The following DLD variants were observed in gnomAD, a reference collection of about 807,000 sequenced individuals.
DLD encodes dihydrolipoamide dehydrogenase, also known as dihydrolipoyl dehydrogenase, mitochondrial.
In DLD, 36 loss-of-function variants were observed where a neutral mutation model predicts 62.2. That is an observed-to-expected ratio of 0.58 (90% CI 0.44 to 0.76). The LOEUF is 0.76. Ranked by LOEUF, DLD falls within the 30% of genes least tolerant of loss-of-function variation. The pLI is 0.00. For missense variants in DLD, 541 were observed against 608.6 expected (o/e 0.89, Z 1.17); for synonymous variants, 204 against 199.6 (o/e 1.02, Z -0.19).
At chr7:107,900,337 A>G (rs2031847265) in intron 2 of DLD, among the ~76,000 whole-genome samples, 1 of 152,134 alleles carries the variant, frequency 6.6e-6, no homozygotes, top group South Asian at 2.1e-4. Context: ...TGCAAATTAA[A>G]ATAGTCTTCT....
chr7:107,893,521 G>C (rs1584455855), intron 2 of DLD: 2 of 334,362 alleles, frequency 6.0e-6, no homozygotes, highest in African/African-American at 4.3e-5. Context: ...TATAAGTAAT[G>C]GATAAATATT....
chr7:107,904,431 A>C (rs1452047770), intron 5 of DLD, among the ~76,000 whole-genome samples: 2 of 152,176 alleles, frequency 1.3e-5, no homozygotes, highest in Non-Finnish European at 2.9e-5. Flanking sequence ...CTTACCTCTA[A>C]AGTTTAATTG....
chr7:107,902,478 A>G, intron 4 of DLD, 85 bp downstream of exon 4: 1 of 1,158,240 alleles, frequency 8.6e-7, no homozygotes, highest in Middle Eastern at 1.9e-4. Flanking sequence ...TTAGACAAAT[A>G]CACTTGTTAA....
chr7:107,894,998 T>C (rs1038208334), intron 2 of DLD, among the ~76,000 whole-genome samples: 2 of 152,226 alleles, frequency 1.3e-5, no homozygotes, highest in Non-Finnish European at 2.9e-5. Context: ...ATTTATTGAA[T>C]GAATGAACAC....
At chr7:107,891,502 C>T in intron 1 of DLD, 1 of 624,404 alleles carries the variant, frequency 1.6e-6, no homozygotes, top group Non-Finnish European at 2.8e-6. Context: ...TGGGCCCAGG[C>T]TGTGGCGAGT....
intron 4 of DLD, 46 bp downstream of exon 4, chr7:107,902,439 A>T: frequency 6.6e-7 from 1 of 1,517,442 alleles, no homozygotes; most frequent in Non-Finnish European, 9.2e-7. Context: ...TTGGCTAGCA[A>T]CCAACTAGAA....
intron 2 of DLD, among the ~76,000 whole-genome samples, chr7:107,897,182 C>T (rs1275105246): frequency 2.6e-5 from 4 of 152,096 alleles, no homozygotes; most frequent in African/African-American, 9.7e-5. Context: ...TTTTTTCTCA[C>T]TGTGTTTTAA....
chr7:107,894,891 C>G (rs1298402869), intron 2 of DLD, among the ~76,000 whole-genome samples: 1 of 152,248 alleles, frequency 6.6e-6, no homozygotes, highest in Admixed American at 6.5e-5. Context: ...TACATGCTTA[C>G]TGTCTTTTCC....
chr7:107,902,538 T>G, intron 4 of DLD, 145 bp downstream of exon 4: 2 of 771,164 alleles, frequency 2.6e-6, no homozygotes, highest in Non-Finnish European at 4.5e-6. Flanking sequence ...AAAAGAATGA[T>G]AAAAAACACA....
upstream of DLD, chr7:107,891,147 G>C: frequency 7.0e-7 from 1 of 1,429,442 alleles, no homozygotes; most frequent in Non-Finnish European, 9.8e-7. Flanking sequence ...GGGTGATGAC[G>C]TAGGCTGCGC....
chr7:107,893,107 C>A, intron 1 of DLD, 93 bp from the exon 2 acceptor site: 2 of 951,674 alleles, frequency 2.1e-6, no homozygotes, highest in Non-Finnish European at 3.3e-6. Flanking sequence ...TCGCTTGATA[C>A]GTTTGCCCAA....
At chr7:107,891,687 G>T (rs553780397) in intron 1 of DLD, 67 of 318,528 alleles carry the variant, frequency 2.1e-4, no homozygotes, top group African/African-American at 1.4e-3. Flanking sequence ...TCTGATCCCT[G>T]AGTGGCCTAA....
At chr7:107,892,597 G>A (rs565550264) in intron 1 of DLD, among the ~76,000 whole-genome samples, 1 of 152,046 alleles carries the variant, frequency 6.6e-6, no homozygotes, top group East Asian at 1.9e-4. Context: ...CCAGGCTAGA[G>A]TGCAATGGCA....
chr7:107,892,487 A>G (rs1456217538), intron 1 of DLD, among the ~76,000 whole-genome samples: 1 of 151,632 alleles, frequency 6.6e-6, no homozygotes, highest in East Asian at 1.9e-4. Context: ...TAAAAAGATT[A>G]TCATGTATAG....
rs117962020 is a variant in DLD, at chr7:107,909,244, A to G, written c.684+2876A>G. ...TTGTTCACTCATACTCATTATTCCA[A>G]TCTATATCTTAGTCTTGATTCTGTC... On this transcript the variant is annotated intron_variant, in intron 8 of 13. Coordinates refer to ENST00000205402, the MANE Select transcript of DLD (RefSeq NM_000108.5). Among the ~76,000 whole-genome samples the G allele has an allele frequency of 2.8e-3, 420 of 152,256 alleles. 2 individuals are homozygous for G. Among genetic ancestry groups the G allele is most frequent in the Non-Finnish European group, 3.8e-3 (260 of 68,016 alleles).
At chr7:107,897,974 G>C (rs935726343) in intron 2 of DLD, among the ~76,000 whole-genome samples, 3 of 152,100 alleles carry the variant, frequency 2.0e-5, no homozygotes, top group African/African-American at 7.2e-5. Context: ...TCCTTATAAT[G>C]ATCTAATATG....
rs971609766 is a variant in DLD, at chr7:107,920,212, T to G, written c.*953T>G. The G allele has an allele frequency of 6.6e-6, 1 of 152,312 alleles. No individual in the cohort carries two copies. The highest frequency in any genetic ancestry group is 1.5e-5 in the Non-Finnish European group (1 of 68,034). The allele number at this position is 152,312 out of a possible 1,614,324, so 9.4% of individuals were successfully genotyped here. On this transcript the variant is annotated 3_prime_UTR_variant, in exon 14 of 14. Transcript: ENST00000205402. Reference sequence around the variant, plus strand: ...TTAATCTGTGTTTTCCTTGGCTGGGTTAATGACTGTTTATTTAAAGAGTGT... The same window carrying G: ...TTAATCTGTGTTTTCCTTGGCTGGGGTAATGACTGTTTATTTAAAGAGTGT...
intron 2 of DLD, among the ~76,000 whole-genome samples, chr7:107,901,095 A>G (rs975099906): frequency 9.9e-5 from 15 of 152,156 alleles, no homozygotes; most frequent in Non-Finnish European, 1.8e-4. Context: ...GTATGTAAAA[A>G]TTATCAATAT....
At chr7:107,899,055 T>C (rs937436453) in intron 2 of DLD, among the ~76,000 whole-genome samples, 2 of 152,200 alleles carry the variant, frequency 1.3e-5, no homozygotes, top group African/African-American at 4.8e-5. Flanking sequence ...TAGAAAATTA[T>C]AAGAATTTTA....
Sources: allele counts gnomAD v4.1 joint callset (sites outside exome capture counted in the v4.1 genomes callset), GRCh38; gene constraint gnomAD v4.1.1; transcripts MANE v1.5; gene names NCBI Gene and HGNC (gene_info 2026-07-23, HGNC 2026-07-21).